The following PAK4 variants were observed in gnomAD, a reference collection of about 807,000 sequenced individuals.
PAK4 encodes the protein serine/threonine-protein kinase PAK 4.
PAK4 carries 49 observed loss-of-function variants against 53.5 expected under a neutral mutation model. That is an observed-to-expected ratio of 0.92 (90% confidence interval 0.73 to 1.16). The LOEUF is 1.16. Ranked by LOEUF, PAK4 falls within the 50% of genes most tolerant of loss-of-function variation. The probability of loss-of-function intolerance (pLI) is 0.00; values close to 1 mark genes in which losing one functional copy is unlikely to be tolerated. For missense variants in PAK4, 824 were observed against 850.7 expected, an observed-to-expected ratio of 0.97 and a Z score of 0.39; for synonymous variants, 376 against 375.6, an observed-to-expected ratio of 1.00 and a Z score of -0.01.
Position 39,158,231 on chromosome 19 carries a change from A to ATG in PAK4, c.-22-11294_-22-11293dup, listed in dbSNP as rs555758222. Among the ~76,000 whole-genome samples the ATG allele has an allele frequency of 5.2e-4, 78 of 150,734 alleles. 1 individual carries two copies. In the South Asian group the frequency reaches 0.015, roughly 29 times the overall value. On this transcript the variant is annotated intron_variant, in intron 1 of 8. Coordinates refer to ENST00000358301, the Ensembl canonical transcript of PAK4. ...CATGTGTGGGTGTGCGTGTGTGTGC[A>ATG]TGTGTGTGCGCGCATGTGTGAGCAT...
chr19:39,142,956 C>T (rs1190229404), intron 1 of PAK4, among the ~76,000 whole-genome samples: 5 of 152,250 alleles, frequency 3.3e-5, no homozygotes, highest in South Asian at 2.1e-4. Flanking sequence ...TCCAGCCACT[C>T]GGATTCCAGT....
intron 1 of PAK4, among the ~76,000 whole-genome samples, chr19:39,131,290 G>A (rs576249447): frequency 1.3e-5 from 2 of 152,246 alleles, no homozygotes; most frequent in East Asian, 3.9e-4. Flanking sequence ...AAGTTCCGTG[G>A]AGACCTGTTC....
intron 1 of PAK4, among the ~76,000 whole-genome samples, chr19:39,155,534 C>G (rs867671734): frequency 1.3e-5 from 2 of 152,016 alleles, no homozygotes; most frequent in African/African-American, 4.8e-5. Flanking sequence ...CCGGAGGCCT[C>G]GAGGGGAACA....
intron 7 of PAK4, among the ~76,000 whole-genome samples, 159 bp downstream of exon 8, chr19:39,176,874 CTTT>C (rs34636072): frequency 1.4e-5 from 2 of 147,000 alleles, no homozygotes; most frequent in African/African-American, 2.5e-5. Flanking sequence ...ATTCATTCTT[CTTT>C]TTTTTTTTTG....
chr19:39,175,476 T>G lies in PAK4; in HGVS notation c.1359+38T>G. 6.4e-7 allele frequency: 1 copy of G among 1,569,992 alleles called. No homozygotes were observed. On this transcript the variant is annotated intron_variant, in intron 6 of 8. Coordinates refer to ENST00000358301, the Ensembl canonical transcript of PAK4. The surrounding 1 kb of genome is among the most constrained non-coding windows in gnomAD (Gnocchi z 4.7). ...GCGGCGGGGTACGGGGGCGGCAGGT[T>G]TCCGGCTGCGGGGCTTCCCTGCCTC...
At chr19:39,128,901 C>T (rs1019876358) in intron 1 of PAK4, among the ~76,000 whole-genome samples, 7 of 152,234 alleles carry the variant, frequency 4.6e-5, no homozygotes, top group African/African-American at 1.7e-4. Context: ...GGCCCAGGCC[C>T]GCCATGGAAA....
chr19:39,136,073 C>T (rs1297155532), intron 1 of PAK4, among the ~76,000 whole-genome samples: 2 of 132,700 alleles, frequency 1.5e-5, no homozygotes, highest in Non-Finnish European at 3.2e-5. Context: ...CACCCTTCTT[C>T]CTTGTCACCC....
Position 39,176,651 on chromosome 19 carries a change from C to A in PAK4, c.1421C>A (p.Ser474Ter). 1 of 1,613,644 alleles carries A rather than the reference C, an allele frequency of 6.2e-7. No individual in the cohort carries two copies. The highest frequency in any genetic ancestry group is 1.1e-5 in the South Asian group (1 of 91,076). ...AGCAAGGAAGTGCCCCGAAGGAAGT[C>A]GCTGGTCGGCACGCCCTACTGGATG... is the stretch of plus-strand genomic sequence containing the variant. Residue 474 changes from serine (S) to a stop codon, truncating the protein, a stop_gained, in exon 7 of 9, where the codon TCG becomes TAG. Transcript: ENST00000358301. LOFTEE classifies it high-confidence loss of function.
chr19:39,141,320 C>CT (rs36112621), intron 1 of PAK4, among the ~76,000 whole-genome samples: 33,762 of 145,738 alleles, frequency 0.23, 4,066 homozygotes, highest in East Asian at 0.4. Context: ...TCTTATAATC[C>CT]TTTTTTTTTT....
intron 1 of PAK4, among the ~76,000 whole-genome samples, chr19:39,150,707 T>C (rs1257129737): frequency 1.3e-5 from 2 of 152,044 alleles, no homozygotes; most frequent in African/African-American, 2.4e-5. Flanking sequence ...CTGGACAACG[T>C]AGTGAGACCT....
intron 1 of PAK4, among the ~76,000 whole-genome samples, chr19:39,135,743 G>A (rs893174969): frequency 1.1e-4 from 17 of 151,948 alleles, no homozygotes; most frequent in African/African-American, 2.2e-4. Flanking sequence ...CACAGACCTC[G>A]ACTGCAGAGC....
Position 39,178,674 on chromosome 19 carries a change from C to T in PAK4, c.*95C>T, listed in dbSNP as rs1047768193. 1.5e-5 allele frequency: 17 copies of T among 1,164,376 alleles called. No homozygotes were observed. The highest frequency in any genetic ancestry group is 6.3e-5 in the African/African-American group (4 of 63,778). 72.1% of individuals were successfully genotyped at this position (1,164,376 alleles called of 1,614,324 possible). The stretch of plus-strand genomic sequence containing the variant: ...GCCAGGCCTCCCACTCCTCCCAGCC[C>T]GGGAGATGCTCCGCGTGGCACCACC... On this transcript the variant is annotated 3_prime_UTR_variant, in exon 9 of 9. Transcript: ENST00000358301. The surrounding 1 kb of genome is among the most constrained non-coding windows in gnomAD (Gnocchi z 4.4).
At chr19:39,166,827 G>A (rs2074384177) in intron 1 of PAK4, among the ~76,000 whole-genome samples, 1 of 152,218 alleles carries the variant, frequency 6.6e-6, no homozygotes, top group Non-Finnish European at 1.5e-5. Flanking sequence ...CGCCTGCTGG[G>A]GAAGCCGGCA....
At chr19:39,166,133 C>T (rs76878787) in intron 1 of PAK4, among the ~76,000 whole-genome samples, 170 of 152,336 alleles carry the variant, frequency 1.1e-3, no homozygotes, top group African/African-American at 3.7e-3. Context: ...CCAGGCCCTC[C>T]GTGCCCTCTG....
At chr19:39,171,031 C>T (rs368046830) in intron 2 of PAK4, among the ~76,000 whole-genome samples, 1 of 152,210 alleles carries the variant, frequency 6.6e-6, no homozygotes, top group Non-Finnish European at 1.5e-5. Flanking sequence ...AAAAACCCAG[C>T]CCCTGCCTGG....
intron 1 of PAK4, among the ~76,000 whole-genome samples, chr19:39,142,282 C>T (rs1370029805): frequency 6.6e-6 from 1 of 152,162 alleles, no homozygotes; most frequent in East Asian, 1.9e-4. Context: ...CTCTGTGCTT[C>T]CTGTAAGTTA....
At chr19:39,167,263 A>T (rs2074392556) in intron 1 of PAK4, among the ~76,000 whole-genome samples, 1 of 152,208 alleles carries the variant, frequency 6.6e-6, no homozygotes, top group South Asian at 2.1e-4. Context: ...CACGATGAAG[A>T]GGCCTGGGCT....
At chr19:39,130,294 C>T (rs1256113214) in intron 1 of PAK4, among the ~76,000 whole-genome samples, 6 of 60,292 alleles carry the variant, frequency 1.0e-4, no homozygotes, top group African/African-American at 3.7e-4. Flanking sequence ...GGGGTCAGGG[C>T]GGGATGGGGA....
intron 2 of PAK4, among the ~76,000 whole-genome samples, chr19:39,172,388 G>A (rs2074499019): frequency 6.6e-6 from 1 of 152,122 alleles, no homozygotes; most frequent in African/African-American, 2.4e-5. Flanking sequence ...CCCGGCTCCT[G>A]GGACCCCCTT....
Sources: allele counts gnomAD v4.1 joint callset (sites outside exome capture counted in the v4.1 genomes callset), GRCh38; gene constraint gnomAD v4.1.1; non-coding constraint Gnocchi (gnomAD v3.1); transcripts MANE v1.5; gene names NCBI Gene and HGNC (gene_info 2026-07-23, HGNC 2026-07-21).